Variants in DTNB observed in about 807,000 individuals in gnomAD.
DTNB encodes the protein DTN-B.
DTNB carries 63 observed loss-of-function variants against 90.7 expected under a neutral mutation model. That is an observed-to-expected ratio of 0.69 (90% CI 0.57 to 0.86). The LOEUF (loss-of-function observed/expected upper bound fraction) is 0.86, where lower values mean the gene tolerates loss of function less well. Ranked by LOEUF, DTNB falls within the 40% of genes least tolerant of loss-of-function variation. DTNB has a pLI of 0.00. For missense variants in DTNB, 744 were observed against 807.1 expected (o/e 0.92, Z 0.95); for synonymous variants, 277 against 286.7 (o/e 0.97, Z 0.34).
chr2:25,607,156 A>G, intron 5 of DTNB, 80 bp downstream of exon 5: 6 of 1,456,100 alleles, frequency 4.1e-6, no homozygotes, highest in Non-Finnish European at 5.6e-6. Flanking sequence ...TCAATATAAC[A>G]TCATTCAAAA....
intron 14 of DTNB, 101 bp from the exon 15 acceptor site, chr2:25,427,732 T>C (rs754637207): frequency 1.6e-5 from 17 of 1,077,688 alleles, no homozygotes; most frequent in Non-Finnish European, 2.1e-5. Flanking sequence ...TTACCAGTTA[T>C]GAGACGCTGA....
At chr2:25,505,633 T>TA (rs941384852) in intron 9 of DTNB, among the ~76,000 whole-genome samples, 107 of 152,002 alleles carry the variant, frequency 7.0e-4, no homozygotes, top group African/African-American at 2.4e-3. Context: ...CTTGCTCCAT[T>TA]AAAAAAAACA....
intron 2 of DTNB, among the ~76,000 whole-genome samples, chr2:25,641,278 T>C (rs1270865529): frequency 6.6e-6 from 1 of 152,120 alleles, no homozygotes; most frequent in Non-Finnish European, 1.5e-5. Context: ...CAAAATAATT[T>C]GTAAAGAGTT....
chr2:25,666,687 A>G (rs2084523226), intron 1 of DTNB, among the ~76,000 whole-genome samples: 1 of 152,130 alleles, frequency 6.6e-6, no homozygotes. Flanking sequence ...AAACAAGATA[A>G]ACCTCTATTT....
intron 6 of DTNB, among the ~76,000 whole-genome samples, chr2:25,586,501 C>T (rs926781945): frequency 1.4e-5 from 2 of 145,142 alleles, no homozygotes; most frequent in South Asian, 2.2e-4. Context: ...CAGAGCATGA[C>T]TCTGTCTCCA....
At chr2:25,604,783 T>C (rs1409268277) in intron 5 of DTNB, among the ~76,000 whole-genome samples, 1 of 152,112 alleles carries the variant, frequency 6.6e-6, no homozygotes, top group African/African-American at 2.4e-5. Context: ...AGAGACAAGG[T>C]TTCACCATGT....
intron 12 of DTNB, among the ~76,000 whole-genome samples, chr2:25,445,739 T>C (rs2058311235): frequency 6.6e-6 from 1 of 152,144 alleles, no homozygotes; most frequent in Admixed American, 6.6e-5. Flanking sequence ...ACCTGGTTAA[T>C]GCTTGGACAC....
At chr2:25,419,941 A>G (rs929417604) in intron 15 of DTNB, among the ~76,000 whole-genome samples, 2 of 152,208 alleles carry the variant, frequency 1.3e-5, no homozygotes, top group East Asian at 1.9e-4. Flanking sequence ...CGATATTCAC[A>G]TGTGTTTAGG....
intron 16 of DTNB, among the ~76,000 whole-genome samples, chr2:25,403,013 A>G (rs1299332681): frequency 6.6e-6 from 1 of 152,246 alleles, no homozygotes; most frequent in African/African-American, 2.4e-5. Context: ...AGAAAATTGG[A>G]AAGTAAACTT....
intron 9 of DTNB, among the ~76,000 whole-genome samples, chr2:25,508,967 TTGC>T (rs1397642237): frequency 1.3e-5 from 2 of 152,260 alleles, no homozygotes; most frequent in Non-Finnish European, 1.5e-5. Flanking sequence ...CATTTCCTAA[TTGC>T]TGCTAATATA....
At chr2:25,637,890 CTA>C (rs1428668386) in intron 3 of DTNB, among the ~76,000 whole-genome samples, 1 of 152,160 alleles carries the variant, frequency 6.6e-6, no homozygotes, top group Admixed American at 6.6e-5. Context: ...AATCAGGCTG[CTA>C]TAAAGACACA....
At chr2:25,593,396 C>T (rs6755108) in intron 6 of DTNB, among the ~76,000 whole-genome samples, 3,544 of 152,212 alleles carry the variant, frequency 0.023, 134 homozygotes, top group African/African-American at 0.081. Flanking sequence ...CAAAAAGAAA[C>T]GCAAAACTCA....
intron 9 of DTNB, among the ~76,000 whole-genome samples, chr2:25,490,317 A>C (rs2067126492): frequency 6.6e-6 from 1 of 152,140 alleles, no homozygotes; most frequent in Non-Finnish European, 1.5e-5. Flanking sequence ...TCTCTGGGAA[A>C]AATAATGATC....
At chr2:25,658,549 A>G (rs1013715939) in intron 1 of DTNB, among the ~76,000 whole-genome samples, 2 of 152,244 alleles carry the variant, frequency 1.3e-5, no homozygotes, top group Non-Finnish European at 2.9e-5. Context: ...GCATAAATAA[A>G]CTGCAATACT....
intron 9 of DTNB, among the ~76,000 whole-genome samples, chr2:25,509,132 C>T (rs1044854909): frequency 3.3e-5 from 5 of 152,136 alleles, no homozygotes; most frequent in Non-Finnish European, 7.4e-5. Context: ...ATTTCCTTTT[C>T]GATCTGAATG....
intron 14 of DTNB, among the ~76,000 whole-genome samples, chr2:25,429,285 T>G (rs1558487868): frequency 6.6e-6 from 1 of 152,222 alleles, no homozygotes; most frequent in Non-Finnish European, 1.5e-5. Context: ...TTTTGGTTTT[T>G]CAATGAGGCT....
intron 6 of DTNB, among the ~76,000 whole-genome samples, chr2:25,594,316 A>G (rs1249590585): frequency 2.0e-5 from 3 of 152,244 alleles, no homozygotes; most frequent in African/African-American, 7.2e-5. Context: ...GAAAGAAAAA[A>G]TAAATAGTGC....
At chr2:25,425,574 T>C (rs1400950040) in intron 15 of DTNB, among the ~76,000 whole-genome samples, 1 of 152,208 alleles carries the variant, frequency 6.6e-6, no homozygotes, top group East Asian at 1.9e-4. Flanking sequence ...CCACTCTAAC[T>C]TGCCCTGCGC....
intron 8 of DTNB, among the ~76,000 whole-genome samples, chr2:25,535,416 G>GAT (rs1347402605): frequency 6.9e-6 from 1 of 144,752 alleles, no homozygotes. Context: ...CCTCCCAGAG[G>GAT]GGGCGGCCAG....
Sources: gnomAD v4.1 joint callset for allele counts (sites outside exome capture counted in the v4.1 genomes callset) on GRCh38, gnomAD v4.1.1 for gene constraint, MANE v1.5 for transcripts, NCBI Gene and HGNC (gene_info 2026-07-23, HGNC 2026-07-21) for gene names.